Variants in TFCP2L1 observed in about 807,000 individuals in gnomAD.
TFCP2L1 encodes transcription factor CP2 like 1.
In TFCP2L1, 12 loss-of-function variants were observed where a neutral mutation model predicts 72.2. The observed-to-expected ratio is 0.17, with a 90% confidence interval of 0.11 to 0.27. The LOEUF (loss-of-function observed/expected upper bound fraction) is 0.27. TFCP2L1 is among the 10% of genes least tolerant of loss of function. TFCP2L1 has a pLI of 1.00. For missense variants in TFCP2L1, 488 were observed against 624.6 expected (o/e 0.78, Z 2.33); for synonymous variants, 260 against 251.0 (o/e 1.04, Z -0.34).
intron 13 of TFCP2L1, among the ~76,000 whole-genome samples, chr2:121,227,314 G>A (rs1686049103): frequency 6.6e-6 from 1 of 152,154 alleles, no homozygotes; most frequent in South Asian, 2.1e-4. Context: ...TTCTTTAACT[G>A]TATAAGTAAG....
At chr2:121,273,373 A>G (rs544820994) in intron 2 of TFCP2L1, among the ~76,000 whole-genome samples, 27 of 152,284 alleles carry the variant, frequency 1.8e-4, no homozygotes, top group African/African-American at 6.3e-4. Context: ...CTTCGGGAAG[A>G]TATGTCTACA....
Position 121,221,229 on chromosome 2 carries a change from G to A in TFCP2L1, c.*3112C>T, listed in dbSNP as rs1158466550. The A allele has an allele frequency of 6.6e-6, 1 of 152,134 alleles. No individual in the cohort carries two copies. Among genetic ancestry groups the A allele is most frequent in the African/African-American group, 2.4e-5 (1 of 41,398 alleles). The allele number at this position is 152,134 out of a possible 1,614,324, so 9.4% of individuals were successfully genotyped here. Reference sequence around the variant, plus strand: ...CATGACTCATAACAGGAAATCATTGGTCTCAACCTTCCTCCAAGGACTAGT... The same window carrying A: ...CATGACTCATAACAGGAAATCATTGATCTCAACCTTCCTCCAAGGACTAGT... On this transcript the variant is annotated 3_prime_UTR_variant, in exon 15 of 15. Transcript: ENST00000263707.
intron 10 of TFCP2L1, among the ~76,000 whole-genome samples, chr2:121,236,567 C>T (rs1573363552): frequency 6.6e-6 from 1 of 152,184 alleles, no homozygotes; most frequent in African/African-American, 2.4e-5. Context: ...CTCCTCTCAT[C>T]ACAATAAGAT....
intron 14 of TFCP2L1, among the ~76,000 whole-genome samples, chr2:121,224,861 T>C (rs1371048201): frequency 6.6e-6 from 1 of 152,056 alleles, no homozygotes; most frequent in East Asian, 1.9e-4. Context: ...GGCGGGCGCC[T>C]GTAGTCCCAG....
rs1197540805 is a variant in TFCP2L1, at chr2:121,221,177, T to C, written c.*3164A>G. ...GGCTATGGTGACCCTGAGCACATTA[T>C]TCCACTTCTAGGTGATTCAGTTTCC... On this transcript the variant is annotated 3_prime_UTR_variant, in exon 15 of 15. Transcript: ENST00000263707. 2.0e-5 allele frequency: 3 copies of C among 152,204 alleles called. No homozygotes were observed. The highest frequency in any genetic ancestry group is 4.4e-5 in the Non-Finnish European group (3 of 68,042). The allele number at this position is 152,204 out of a possible 1,614,324, so 9.4% of individuals were successfully genotyped here. A position where few individuals can be genotyped will look rare whatever the true frequency, so the allele number is the denominator to read the frequency against.
At chr2:121,267,619 G>A (rs979276306) in intron 2 of TFCP2L1, among the ~76,000 whole-genome samples, 3 of 151,752 alleles carry the variant, frequency 2.0e-5, no homozygotes, top group Non-Finnish European at 2.9e-5. Flanking sequence ...TCAGCCTCCC[G>A]AGTAGCTGGG....
At chr2:121,238,410 T>C (rs1686295063) in intron 8 of TFCP2L1, among the ~76,000 whole-genome samples, 2 of 152,152 alleles carry the variant, frequency 1.3e-5, no homozygotes, top group African/African-American at 2.4e-5. Flanking sequence ...GTGCACAAGC[T>C]TCCTCGGGGG....
intron 6 of TFCP2L1, among the ~76,000 whole-genome samples, chr2:121,242,973 C>A (rs2104692215): frequency 6.6e-6 from 1 of 152,324 alleles, no homozygotes; most frequent in South Asian, 2.1e-4. Context: ...GCTTTGCAAA[C>A]CGGGGCAACT....
chr2:121,280,358 G>C (rs1573401659), intron 2 of TFCP2L1, among the ~76,000 whole-genome samples: 1 of 152,174 alleles, frequency 6.6e-6, no homozygotes. Flanking sequence ...GTGCTGCGCA[G>C]GACACAGGCC....
At chr2:121,283,926 C>T (rs1687313255) in intron 1 of TFCP2L1, among the ~76,000 whole-genome samples, 1 of 152,222 alleles carries the variant, frequency 6.6e-6, no homozygotes, top group African/African-American at 2.4e-5. Context: ...GCCTTTAAGG[C>T]TCTAGACCTT....
intron 5 of TFCP2L1, among the ~76,000 whole-genome samples, chr2:121,247,223 C>T (rs1686507770): frequency 6.6e-6 from 1 of 152,134 alleles, no homozygotes; most frequent in African/African-American, 2.4e-5. Flanking sequence ...CAGCTAAGTC[C>T]CCACCACTCC....
intron 4 of TFCP2L1, 136 bp downstream of exon 4, chr2:121,248,846 C>T: frequency 1.8e-6 from 1 of 554,426 alleles, no homozygotes; most frequent in Non-Finnish European, 3.0e-6. Context: ...GCTCTGCAAG[C>T]TCCCGCGGGG....
chr2:121,267,332 T>C (rs1466385404), intron 2 of TFCP2L1, among the ~76,000 whole-genome samples: 1 of 152,202 alleles, frequency 6.6e-6, no homozygotes, highest in East Asian at 1.9e-4. Flanking sequence ...ACTATAAGCA[T>C]GAACCACCAC....
chr2:121,275,627 G>A (rs1326285567), intron 2 of TFCP2L1, among the ~76,000 whole-genome samples: 1 of 143,126 alleles, frequency 7.0e-6, no homozygotes, highest in Non-Finnish European at 1.5e-5. Context: ...CTAGAGTGCA[G>A]TGGCTCAATC....
At chr2:121,245,466 C>G (rs1452356738) in intron 6 of TFCP2L1, among the ~76,000 whole-genome samples, 1 of 152,206 alleles carries the variant, frequency 6.6e-6, no homozygotes, top group African/African-American at 2.4e-5. Context: ...GCACAGCTCC[C>G]CTTGGAGGCC....
chr2:121,241,857 G>GC (rs1686375534), intron 7 of TFCP2L1, among the ~76,000 whole-genome samples: 1 of 151,962 alleles, frequency 6.6e-6, no homozygotes, highest in Non-Finnish European at 1.5e-5. Context: ...AGCTAATAAT[G>GC]GAAAAAAGCA....
At chr2:121,282,497 A>G (rs1687284889) in intron 1 of TFCP2L1, among the ~76,000 whole-genome samples, 2 of 150,922 alleles carry the variant, frequency 1.3e-5, no homozygotes, top group South Asian at 2.1e-4. Context: ...CCTGGGCACC[A>G]TAGTGAGACC....
chr2:121,276,843 T>C (rs1482387202), intron 2 of TFCP2L1, among the ~76,000 whole-genome samples: 2 of 152,050 alleles, frequency 1.3e-5, no homozygotes, highest in African/African-American at 4.8e-5. Flanking sequence ...CTAATTGATT[T>C]TGAGATGAGC....
At chr2:121,271,780 C>T (rs902034100) in intron 2 of TFCP2L1, among the ~76,000 whole-genome samples, 1 of 152,188 alleles carries the variant, frequency 6.6e-6, no homozygotes, top group East Asian at 1.9e-4. Flanking sequence ...GGAGCAGAAG[C>T]TGGTCAAAAA....
Sources: allele counts gnomAD v4.1 joint callset (sites outside exome capture counted in the v4.1 genomes callset), GRCh38; gene constraint gnomAD v4.1.1; transcripts MANE v1.5; gene names NCBI Gene and HGNC (gene_info 2026-07-23, HGNC 2026-07-21).